PATJ: variants seen among roughly 807,000 people sequenced by gnomAD.
PATJ encodes inaD-like protein.
PATJ carries 190 observed loss-of-function variants against 224.9 expected under a neutral mutation model. That is an observed-to-expected ratio of 0.84 (90% confidence interval 0.75 to 0.95). The LOEUF is 0.95. Among genes scored for constraint, PATJ ranks in the 40% least tolerant of loss-of-function variants. The pLI, the probability that PATJ is intolerant of heterozygous loss-of-function variation, is 0.00. For synonymous variants in PATJ, 769 were observed against 820.3 expected (o/e 0.94, Z 1.07); for missense variants, 2,121 against 2,270.3 (o/e 0.93, Z 1.34).
intron 33 of PATJ, 49 bp downstream of exon 33, chr1:62,084,697 G>A (rs754329668): frequency 7.5e-6 from 12 of 1,596,364 alleles, no homozygotes; most frequent in Non-Finnish European, 9.4e-6. Context: ...ACTAGTTGTT[G>A]AGGTTAATTT....
At chr1:61,991,595 C>T in intron 28 of PATJ, 1 of 985,440 alleles carries the variant, frequency 1.0e-6, no homozygotes, top group Non-Finnish European at 1.2e-6. Context: ...CTCTTTCTTC[C>T]AAACCTTGGT....
In PATJ at chr1:62,113,745, T is replaced by G. The variant is rs1362181514; in HGVS notation, c.4462-308T>G. On this transcript the variant is annotated intron_variant, in intron 34 of 43. Coordinates refer to ENST00000642238, the MANE Select transcript of PATJ (RefSeq NM_001350145.3). Reference sequence around the variant, plus strand: ...TTATTTCCCTTTTATCTCAATTAAATGAGCTAGTTAAGTCCCTGCATGCAC... The same window carrying G: ...TTATTTCCCTTTTATCTCAATTAAAGGAGCTAGTTAAGTCCCTGCATGCAC... Among the ~76,000 whole-genome samples the G allele has an allele frequency of 2.6e-5, 4 of 152,226 alleles. No homozygotes were observed. The East Asian group carries it at 7.7e-4, about 29-fold the overall frequency.
At position 61,970,783 on chromosome 1, in the gene PATJ, A is replaced by G. The variant is rs546464288; in HGVS notation, c.3671-19385A>G. 5.4e-5 allele frequency among the ~76,000 whole-genome samples: 8 copies of G among 146,790 alleles called. No homozygotes were observed. The East Asian group carries it at 1.5e-3, about 28-fold the overall frequency. On this transcript the variant is annotated intron_variant, in intron 27 of 43. Coordinates refer to ENST00000642238, the MANE Select transcript of PATJ (RefSeq NM_001350145.3). ...TCTGGGATTATAGGTGTGAGCCACC[A>G]CACCTGGCCACTCAAGAGGTTAACT...
intron 3 of PATJ, among the ~76,000 whole-genome samples, 157 bp downstream of exon 3, chr1:61,763,336 C>T (rs1035022625): frequency 2.0e-5 from 3 of 152,082 alleles, no homozygotes; most frequent in Non-Finnish European, 2.9e-5. Flanking sequence ...CTGTGGGTAG[C>T]ATTGGCATAG....
At chr1:62,160,808 CTT>C in intron 43 of PATJ, 98 bp from the exon 44 acceptor site, 1 of 1,271,574 alleles carries the variant, frequency 7.9e-7, no homozygotes, top group Non-Finnish European at 1.1e-6. Flanking sequence ...TAAAGTTACT[CTT>C]TTAATATGCA....
intron 32 of PATJ, 26 bp from the exon 33 acceptor site, chr1:62,084,489 T>C (rs768677721): frequency 6.2e-7 from 1 of 1,602,304 alleles, no homozygotes; most frequent in South Asian, 1.1e-5. Flanking sequence ...TACATGCCAG[T>C]CATGCTGTGT....
At position 61,809,662 on chromosome 1, in the gene PATJ, C is replaced by T. The variant is rs891741101; in HGVS notation, c.1683+1132C>T. 5.3e-5 allele frequency among the ~76,000 whole-genome samples: 8 copies of T among 152,060 alleles called. No homozygotes were observed. The South Asian group carries it at 8.3e-4, about 16-fold the overall frequency. ...TTGGCCTCCCAAAGTGCTGGGATTA[C>T]AGGCATGAGCCACAGCGCCAGGCTA... is the stretch of plus-strand genomic sequence containing the variant. On this transcript the variant is annotated intron_variant, in intron 14 of 43. Coordinates refer to ENST00000642238, the MANE Select transcript of PATJ (RefSeq NM_001350145.3).
chr1:61,819,699 A>G (rs1656869814), intron 14 of PATJ, among the ~76,000 whole-genome samples: 1 of 152,210 alleles, frequency 6.6e-6, no homozygotes, highest in Non-Finnish European at 1.5e-5. Flanking sequence ...CATGGCAGAT[A>G]TAAAGCTACC....
intron 19 of PATJ, among the ~76,000 whole-genome samples, chr1:61,862,599 A>T (rs888129527): frequency 1.3e-5 from 2 of 152,222 alleles, no homozygotes; most frequent in African/African-American, 4.8e-5. Flanking sequence ...ACACTAATGT[A>T]TTCCTAAAAT....
intron 30 of PATJ, among the ~76,000 whole-genome samples, chr1:62,046,778 A>G (rs1217660554): frequency 6.6e-6 from 1 of 152,228 alleles, no homozygotes; most frequent in Non-Finnish European, 1.5e-5. Flanking sequence ...AACAAGTGAC[A>G]TTTGAGACCT....
chr1:62,012,546 G>C (rs1014724228), intron 28 of PATJ, among the ~76,000 whole-genome samples: 1 of 152,052 alleles, frequency 6.6e-6, no homozygotes, highest in African/African-American at 2.4e-5. Context: ...TCAGAGAACA[G>C]CTTCTCAATA....
chr1:61,981,799 G>A (rs1287827741), intron 27 of PATJ, among the ~76,000 whole-genome samples: 1 of 151,892 alleles, frequency 6.6e-6, no homozygotes, highest in African/African-American at 2.4e-5. Context: ...AGCCTCCCGA[G>A]TAGCTGGGAT....
chr1:61,747,519 A>G (rs1008468178), intron 1 of PATJ, among the ~76,000 whole-genome samples: 1 of 152,158 alleles, frequency 6.6e-6, no homozygotes, highest in Non-Finnish European at 1.5e-5. Context: ...ATGTTCAAGA[A>G]TGTGTCTTGT....
rs563549765 is a variant in PATJ, at chr1:62,069,362, TATTATAAGAGCAATA to T, written c.4126-10069_4126-10055del. On this transcript the variant is annotated intron_variant, in intron 31 of 43. Transcript: ENST00000642238. ...GAGGTATATAATTATACCTCAATTA[TATTATAAGAGCAATA>T]ATTATAAGAGCAATAATTGTCCCTA... 3.8e-3 allele frequency among the ~76,000 whole-genome samples: 581 copies of T among 152,318 alleles called. 1 individual carries two copies. Among genetic ancestry groups the T allele is most frequent in the African/African-American group, 8.1e-3 (338 of 41,574 alleles).
intron 37 of PATJ, among the ~76,000 whole-genome samples, chr1:62,119,211 A>T (rs550303551): frequency 6.6e-6 from 1 of 152,326 alleles, no homozygotes; most frequent in South Asian, 2.1e-4. Flanking sequence ...GGTGAGATAG[A>T]AGAGTTTGCC....
chr1:61,823,190 GA>G, intron 15 of PATJ, 111 bp downstream of exon 15: 1 of 1,045,584 alleles, frequency 9.6e-7, no homozygotes, highest in Non-Finnish European at 1.4e-6. Flanking sequence ...AATGTAATAT[GA>G]GCCTCTTAGA....
chr1:62,025,351 T>C (rs975220906), intron 29 of PATJ, among the ~76,000 whole-genome samples: 2 of 152,166 alleles, frequency 1.3e-5, no homozygotes, highest in African/African-American at 4.8e-5. Flanking sequence ...ACCATGATTA[T>C]CAAAGAGGAA....
intron 27 of PATJ, among the ~76,000 whole-genome samples, chr1:61,975,926 AAC>A: frequency 6.6e-6 from 1 of 152,128 alleles, no homozygotes; most frequent in Non-Finnish European, 1.5e-5. Context: ...TGGACTTCTA[AAC>A]AGTTCAAAAG....
chr1:62,073,586 T>C (rs1280409701), intron 31 of PATJ, among the ~76,000 whole-genome samples: 6 of 152,120 alleles, frequency 3.9e-5, no homozygotes, highest in African/African-American at 1.2e-4. Context: ...TGAGCCAAGA[T>C]TGCACCACTG....
Sources: gnomAD v4.1 joint callset for allele counts (sites outside exome capture counted in the v4.1 genomes callset) on GRCh38, gnomAD v4.1.1 for gene constraint, MANE v1.5 for transcripts, NCBI Gene and HGNC (gene_info 2026-07-23, HGNC 2026-07-21) for gene names.